Variants in CRK observed in about 807,000 individuals in gnomAD.
CRK encodes CRK proto-oncogene, adaptor protein, also known as adapter molecule crk.
CRK carries 4 observed loss-of-function variants against 29.8 expected under a neutral mutation model. That is an observed-to-expected ratio of 0.13 (90% confidence interval 0.07 to 0.31). The LOEUF (loss-of-function observed/expected upper bound fraction) is 0.31. CRK is among the 10% of genes least tolerant of loss of function. The probability of loss-of-function intolerance (pLI) is 1.00; values close to 1 mark genes in which losing one functional copy is unlikely to be tolerated. For missense variants in CRK, 274 were observed against 396.5 expected, an observed-to-expected ratio of 0.69 and a Z score of 2.62; for synonymous variants, 153 against 164.9, an observed-to-expected ratio of 0.93 and a Z score of 0.55.
chr17:1,452,526 G>A (rs2074025583), intron 1 of CRK, among the ~76,000 whole-genome samples: 1 of 152,106 alleles, frequency 6.6e-6, no homozygotes, highest in Non-Finnish European at 1.5e-5. Context: ...GGTGGCTCAC[G>A]TCTGTAATCC....
intron 1 of CRK, among the ~76,000 whole-genome samples, chr17:1,447,027 G>A (rs762968646): frequency 3.0e-4 from 46 of 152,098 alleles, no homozygotes; most frequent in Non-Finnish European, 4.3e-4. Flanking sequence ...AGAAATGCCC[G>A]TTTCTGTGAA....
At chr17:1,455,311 G>A (rs2074047378) in intron 1 of CRK, among the ~76,000 whole-genome samples, 1 of 152,044 alleles carries the variant, frequency 6.6e-6, no homozygotes, top group Non-Finnish European at 1.5e-5. Context: ...GGAAGAGAAC[G>A]GTACAAAGAT....
chr17:1,441,345 T>G (rs1389522321), intron 1 of CRK, among the ~76,000 whole-genome samples: 7 of 152,114 alleles, frequency 4.6e-5, no homozygotes, highest in Admixed American at 2.6e-4. Flanking sequence ...TATTTCTTTT[T>G]AGAGACAGGG....
intron 2 of CRK, among the ~76,000 whole-genome samples, chr17:1,429,075 T>C (rs1275874812): frequency 6.6e-6 from 1 of 152,066 alleles, no homozygotes; most frequent in Non-Finnish European, 1.5e-5. Flanking sequence ...CTCCAACTCC[T>C]GACCTCAGGT....
Position 1,436,850 on chromosome 17 carries a change from G to C in CRK, c.547C>G (p.Pro183Ala), listed in dbSNP as rs761760691. Reference sequence around the variant, plus strand: ...CTATACTTCTCGACGTAAGGGACTGGAATCATCCCTCTCTTGCCTTCGCTG... The same window carrying C: ...CTATACTTCTCGACGTAAGGGACTGCAATCATCCCTCTCTTGCCTTCGCTG... ...EDSEGKRGMI[P>A]VPYVEKYRPA... Residue 183 changes from proline (P) to alanine (A), a missense_variant, in exon 2 of 3, where the codon CCA becomes GCA. By Grantham distance (27) the Pro-to-Ala change is conservative (BLOSUM62 -1). This residue lies in a region of CRK where 18 missense variants were observed against 61.3 expected (regional missense o/e 0.29). Coordinates refer to ENST00000300574, the MANE Select transcript of CRK (RefSeq NM_016823.4). The C allele has an allele frequency of 6.2e-7, 1 of 1,606,244 alleles. No individual in the cohort carries two copies. Among genetic ancestry groups the C allele is most frequent in the Non-Finnish European group, 8.5e-7 (1 of 1,175,546 alleles).
chr17:1,446,526 A>C (rs1373987680), intron 1 of CRK, among the ~76,000 whole-genome samples: 1 of 151,820 alleles, frequency 6.6e-6, no homozygotes. Flanking sequence ...GCGCAAAGGT[A>C]GGAAGCAGGT....
rs1006021017 is a variant in CRK, at chr17:1,423,005, C to T, written c.*508G>A. 26 of 399,016 alleles carry T rather than the reference C, an allele frequency of 6.5e-5. No homozygotes were observed. The highest frequency in any genetic ancestry group is 6.4e-4 in the South Asian group (5 of 7,862). 24.7% of individuals were successfully genotyped at this position (399,016 alleles called of 1,614,324 possible). On this transcript the variant is annotated 3_prime_UTR_variant, in exon 3 of 3. Transcript: ENST00000300574. ...TTAGAATTCTTAGGATCTGAAATGTCAGAATGAGTCACACGCTGGTCATGC... is the reference window on the plus strand; with the variant it reads ...TTAGAATTCTTAGGATCTGAAATGTTAGAATGAGTCACACGCTGGTCATGC...
intron 2 of CRK, among the ~76,000 whole-genome samples, chr17:1,432,371 C>G (rs1346087012): frequency 6.6e-6 from 1 of 151,460 alleles, no homozygotes; most frequent in Non-Finnish European, 1.5e-5. Flanking sequence ...TGCCTGTAAT[C>G]CCAGCTACCC....
At chr17:1,442,606 CTT>C (rs33970272) in intron 1 of CRK, among the ~76,000 whole-genome samples, 13 of 121,102 alleles carry the variant, frequency 1.1e-4, no homozygotes, top group Admixed American at 3.0e-4. Context: ...GTGAAAGGGT[CTT>C]TTTTTTTTTT....
chr17:1,447,854 T>C (rs2073987086), intron 1 of CRK, among the ~76,000 whole-genome samples: 1 of 151,992 alleles, frequency 6.6e-6, no homozygotes, highest in Non-Finnish European at 1.5e-5. Flanking sequence ...TGACCTCAAG[T>C]GATCAGCCAG....
intron 1 of CRK, among the ~76,000 whole-genome samples, chr17:1,449,656 C>G (rs1470736719): frequency 6.6e-6 from 1 of 152,132 alleles, no homozygotes; most frequent in Non-Finnish European, 1.5e-5. Context: ...CTGTGTCAAC[C>G]TGAAAGGTTT....
chr17:1,433,110 G>C (rs2073859273), intron 2 of CRK, among the ~76,000 whole-genome samples: 2 of 152,282 alleles, frequency 1.3e-5, no homozygotes, highest in Non-Finnish European at 2.9e-5. Flanking sequence ...ATCAGATCTA[G>C]AATTGGTACA....
At position 1,456,156 on chromosome 17, in the gene CRK, C is replaced by A. The variant is rs981754785; in HGVS notation, c.-39G>T. ...CCTAAACGCTGGGGTGCCGCCGCCGCGCGCGCCCCTCCGGCCCCCGGCGCC... is the reference window on the plus strand; with the variant it reads ...CCTAAACGCTGGGGTGCCGCCGCCGAGCGCGCCCCTCCGGCCCCCGGCGCC... On this transcript the variant is annotated 5_prime_UTR_variant, in exon 1 of 3. Transcript: ENST00000300574. 6 of 1,441,280 alleles carry A rather than the reference C, an allele frequency of 4.2e-6. No homozygotes were observed. The highest frequency in any genetic ancestry group is 5.5e-6 in the Non-Finnish European group (6 of 1,097,226). The allele number at this position is 1,441,280 out of a possible 1,614,324, so 89.3% of individuals were successfully genotyped here.
Position 1,423,017 on chromosome 17 carries a change from C to T in CRK, c.*496G>A, listed in dbSNP as rs1041976. 2.5e-6 allele frequency: 1 copy of T among 399,210 alleles called. No homozygotes were observed. The highest frequency in any genetic ancestry group is 2.1e-5 in the African/African-American group (1 of 48,628). The allele number at this position is 399,210 out of a possible 1,614,324, so 24.7% of individuals were successfully genotyped here. A position where few individuals can be genotyped will look rare whatever the true frequency, so the allele number is the denominator to read the frequency against. Reference sequence around the variant, plus strand: ...GGATCTGAAATGTCAGAATGAGTCACACGCTGGTCATGCTCCATACAATGA... The same window carrying T: ...GGATCTGAAATGTCAGAATGAGTCATACGCTGGTCATGCTCCATACAATGA... On this transcript the variant is annotated 3_prime_UTR_variant, in exon 3 of 3. Coordinates refer to ENST00000300574, the MANE Select transcript of CRK (RefSeq NM_016823.4).
chr17:1,436,113 C>G (rs2073884374), intron 2 of CRK, among the ~76,000 whole-genome samples: 1 of 152,160 alleles, frequency 6.6e-6, no homozygotes. Context: ...TGCATCTCTT[C>G]AAACCTCTAC....
At chr17:1,445,991 T>C (rs187706609) in intron 1 of CRK, among the ~76,000 whole-genome samples, 3 of 152,172 alleles carry the variant, frequency 2.0e-5, no homozygotes, top group Admixed American at 2.0e-4. Flanking sequence ...TCTTGATCTC[T>C]TGACCTTGTG....
intron 1 of CRK, among the ~76,000 whole-genome samples, chr17:1,446,886 C>A (rs1036022021): frequency 2.6e-5 from 4 of 152,202 alleles, no homozygotes; most frequent in African/African-American, 9.7e-5. Context: ...AGCCACCACG[C>A]CCGGCCGTGA....
intron 1 of CRK, among the ~76,000 whole-genome samples, chr17:1,449,943 A>C (rs1202437935): frequency 6.6e-6 from 1 of 152,210 alleles, no homozygotes; most frequent in Non-Finnish European, 1.5e-5. Flanking sequence ...TCACGCCTGT[A>C]ATCCTAACAC....
chr17:1,440,988 G>A (rs72631501), intron 1 of CRK, among the ~76,000 whole-genome samples: 14,348 of 152,276 alleles, frequency 0.094, 1,244 homozygotes, highest in East Asian at 0.46. Context: ...TGTCACCCAG[G>A]CGGGAGTGCA....
Sources: gnomAD v4.1 joint callset for allele counts (sites outside exome capture counted in the v4.1 genomes callset) on GRCh38, gnomAD v4.1.1 for gene constraint, gnomAD v4.1.1 regional missense constraint, MANE v1.5 for transcripts, NCBI Gene and HGNC (gene_info 2026-07-23, HGNC 2026-07-21) for gene names.